MOXD1: variants seen among roughly 807,000 people sequenced by gnomAD.
MOXD1 encodes the protein DBH-like monooxygenase protein 1.
MOXD1 carries 62 observed loss-of-function variants against 66.6 expected under a neutral mutation model. The ratio of observed to expected loss-of-function variants is 0.93; its 90% confidence interval spans 0.76 to 1.15. MOXD1 has a LOEUF of 1.15. Among genes scored for constraint, MOXD1 ranks in the 50% most tolerant of loss-of-function variants. The probability of loss-of-function intolerance (pLI) is 0.00; values close to 1 mark genes in which losing one functional copy is unlikely to be tolerated. For synonymous variants in MOXD1, 303 were observed against 281.9 expected, an observed-to-expected ratio of 1.07 and a Z score of -0.75; for missense variants, 847 against 754.6, an observed-to-expected ratio of 1.12 and a Z score of -1.44.
intron 1 of MOXD1, chr6:132,392,069 T>G (rs1035327064): frequency 2.1e-5 from 22 of 1,038,146 alleles, no homozygotes; most frequent in Admixed American, 1.2e-4. Context: ...TTGCACACTC[T>G]CTTCATCTCT....
At chr6:132,340,338 C>G (rs1217219006) in intron 4 of MOXD1, among the ~76,000 whole-genome samples, 1 of 152,022 alleles carries the variant, frequency 6.6e-6, no homozygotes, top group Non-Finnish European at 1.5e-5. Flanking sequence ...TTGTTTCTTC[C>G]CGTCTTCAGA....
chr6:132,297,435 A>G, intron 11 of MOXD1, 118 bp from the exon 12 acceptor site: 7 of 1,056,946 alleles, frequency 6.6e-6, no homozygotes, highest in Non-Finnish European at 8.3e-6. Flanking sequence ...TGGTTACCAA[A>G]GGAGTCACAC....
intron 10 of MOXD1, among the ~76,000 whole-genome samples, chr6:132,303,432 A>G (rs1266683528): frequency 6.6e-6 from 1 of 152,046 alleles, no homozygotes. Context: ...TGTTCAAGAC[A>G]CTTATATAAA....
chr6:132,401,098 G>A lies in MOXD1; in HGVS notation c.264+65C>T, dbSNP rs534657339. 9.0e-5 allele frequency: 126 copies of A among 1,402,610 alleles called. No individual in the cohort carries two copies. The South Asian group carries it at 1.9e-3, about 21-fold the overall frequency. The allele number at this position is 1,402,610 out of a possible 1,614,324, so 86.9% of individuals were successfully genotyped here. A position where few individuals can be genotyped will look rare whatever the true frequency, so the allele number is the denominator to read the frequency against. On this transcript the variant is annotated intron_variant, in intron 1 of 11. Transcript: ENST00000367963. ...GGCCCCGGGGACGACCCGCACCTGC[G>A]CCCTCTCTGGGGTCCGGACGGGACC...
At chr6:132,400,524 G>A (rs1463779394) in intron 1 of MOXD1, among the ~76,000 whole-genome samples, 4 of 152,024 alleles carry the variant, frequency 2.6e-5, no homozygotes, top group South Asian at 4.1e-4. Context: ...GGTTATTAAA[G>A]TAAGCCAAAG....
intron 4 of MOXD1, among the ~76,000 whole-genome samples, chr6:132,361,716 C>G (rs1033659705): frequency 6.6e-6 from 1 of 152,012 alleles, no homozygotes; most frequent in Admixed American, 6.6e-5. Context: ...AACATGCACC[C>G]TAGGTTATGA....
Position 132,322,676 on chromosome 6 carries a change from T to A in MOXD1, c.1305+3A>T, listed in dbSNP as rs548058044. 1 of 1,611,632 alleles carries A rather than the reference T, an allele frequency of 6.2e-7. No homozygotes were observed. Among genetic ancestry groups the A allele is most frequent in the African/African-American group, 1.3e-5 (1 of 74,926 alleles). On this transcript the variant is annotated splice_donor_region_variant and intron_variant, in intron 8 of 11. Coordinates refer to ENST00000367963, the MANE Select transcript of MOXD1 (RefSeq NM_015529.4). Reference sequence around the variant, plus strand: ...CAATGAAAAAGAACAAAAACATGCATACTGGTAAGATTGTTTGTTCTTCCT... The same window carrying A: ...CAATGAAAAAGAACAAAAACATGCAAACTGGTAAGATTGTTTGTTCTTCCT...
chr6:132,325,521 C>G (rs1261167493), intron 6 of MOXD1, among the ~76,000 whole-genome samples: 1 of 152,198 alleles, frequency 6.6e-6, no homozygotes, highest in Non-Finnish European at 1.5e-5. Flanking sequence ...CCATGTGAAG[C>G]CTACTGCCAT....
Position 132,374,545 on chromosome 6 carries a change from T to A in MOXD1, c.411+86A>T, listed in dbSNP as rs958059620. On this transcript the variant is annotated intron_variant, in intron 2 of 11. Coordinates refer to ENST00000367963, the MANE Select transcript of MOXD1 (RefSeq NM_015529.4). ...CAAAAATATTAGAAAAAAGACTATA[T>A]GACTTGTTTCTCTTATTCTTTAAAG... 1.3e-5 allele frequency: 15 copies of A among 1,141,232 alleles called. No homozygotes were observed. In the African/African-American group the frequency reaches 2.4e-4, roughly 18 times the overall value. 70.7% of individuals were successfully genotyped at this position (1,141,232 alleles called of 1,614,324 possible).
chr6:132,301,671 C>T (rs1474916608), intron 10 of MOXD1, among the ~76,000 whole-genome samples: 1 of 152,086 alleles, frequency 6.6e-6, no homozygotes, highest in East Asian at 1.9e-4. Context: ...ATTACACACT[C>T]TCCATCCATC....
chr6:132,378,224 C>A (rs1044184707), intron 1 of MOXD1, among the ~76,000 whole-genome samples: 2 of 152,114 alleles, frequency 1.3e-5, no homozygotes, highest in African/African-American at 4.8e-5. Flanking sequence ...CCTTAGCTAT[C>A]CAAATAATAT....
intron 4 of MOXD1, among the ~76,000 whole-genome samples, chr6:132,361,112 T>C (rs1458875530): frequency 2.0e-5 from 3 of 152,196 alleles, no homozygotes; most frequent in African/African-American, 4.8e-5. Context: ...TTAAAGTCAG[T>C]GAGGTGGTTT....
At chr6:132,303,875 ATATACATAT>A (rs1774626552) in intron 10 of MOXD1, among the ~76,000 whole-genome samples, 1 of 49,974 alleles carries the variant, frequency 2.0e-5, no homozygotes, top group Admixed American at 1.6e-4. Context: ...ATATATATAT[ATATACATAT>A]ATACATAAAA....
intron 1 of MOXD1, among the ~76,000 whole-genome samples, chr6:132,395,953 A>G (rs1162374386): frequency 1.3e-5 from 2 of 152,218 alleles, no homozygotes; most frequent in Non-Finnish European, 2.9e-5. Context: ...AGGAACGTTA[A>G]TAGCCCACTC....
chr6:132,302,534 A>G (rs1774563965), intron 10 of MOXD1, among the ~76,000 whole-genome samples: 1 of 152,138 alleles, frequency 6.6e-6, no homozygotes, highest in African/African-American at 2.4e-5. Context: ...GAAAACCACA[A>G]AAAAGTGCTT....
rs758073732 is a variant in MOXD1 at position 132,372,977 on chromosome 6, G to A, written c.432C>T (p.Ile144=). ...CTGCATCTTCATGGTGGTAGGCCCA[G>A]ATCACTCTCACAGTGCTATCCTGGG... ...KSITDSTVRV[I]WAYHHEDAGE... is the part of the protein sequence containing the mutation. The change falls in exon 3 of 12, where the codon ATC becomes ATT. Residue 144 remains isoleucine, a synonymous_variant. Transcript: ENST00000367963. 1.9e-6 allele frequency: 3 copies of A among 1,613,610 alleles called. No homozygotes were observed. Among genetic ancestry groups the A allele is most frequent in the Admixed American group, 1.7e-5 (1 of 59,980 alleles).
At position 132,401,259 on chromosome 6, in the gene MOXD1, A is replaced by G. The variant is rs137943721; in HGVS notation, c.168T>C (p.Thr56=). Reference sequence around the variant, plus strand: ...AGAAGCCGAAGCCCACGTAGCCTGCAGTGCGCACCTGGAGGCGGAAGGCGA... The same window carrying G: ...AGAAGCCGAAGCCCACGTAGCCTGCGGTGCGCACCTGGAGGCGGAAGGCGA... ...SQIAFRLQVR[T]AGYVGFGFSP... Residue 56 remains threonine, a synonymous_variant, in exon 1 of 12, where the codon ACT becomes ACC. Transcript: ENST00000367963. The G allele has an allele frequency of 6.9e-6, 11 of 1,596,352 alleles. No individual in the cohort carries two copies. In the African/African-American group the frequency reaches 1.5e-4, roughly 21 times the overall value.
At chr6:132,322,638 C>A (rs757951394) in intron 8 of MOXD1, 41 bp downstream of exon 8, 1 of 1,569,326 alleles carries the variant, frequency 6.4e-7, no homozygotes, top group South Asian at 1.2e-5. Flanking sequence ...TGTCTCATGA[C>A]TTTCATAACA....
At chr6:132,301,182 A>G (rs548401234) in intron 10 of MOXD1, among the ~76,000 whole-genome samples, 4 of 129,896 alleles carry the variant, frequency 3.1e-5, no homozygotes, top group African/African-American at 1.3e-4. Flanking sequence ...CCATACATAC[A>G]TGTAAACGAA....
Sources: gnomAD v4.1 joint callset for allele counts (sites outside exome capture counted in the v4.1 genomes callset) on GRCh38, gnomAD v4.1.1 for gene constraint, MANE v1.5 for transcripts, NCBI Gene and HGNC (gene_info 2026-07-23, HGNC 2026-07-21) for gene names.